SPOCK3: variants seen among roughly 807,000 people sequenced by gnomAD.
SPOCK3 encodes testican-3.
SPOCK3 carries 30 observed loss-of-function variants against 56.6 expected under a neutral mutation model. That is an observed-to-expected ratio of 0.53 (90% CI 0.40 to 0.72). SPOCK3 has a LOEUF of 0.72. SPOCK3 is among the 30% of genes least tolerant of loss of function. The pLI, the probability that SPOCK3 is intolerant of heterozygous loss-of-function variation, is 0.00. For synonymous variants in SPOCK3, 196 were observed against 183.3 expected, an observed-to-expected ratio of 1.07 and a Z score of -0.56; for missense variants, 527 against 530.0, an observed-to-expected ratio of 0.99 and a Z score of 0.06.
intron 6 of SPOCK3, among the ~76,000 whole-genome samples, chr4:166,886,339 A>G (rs1284717137): frequency 1.3e-5 from 2 of 152,170 alleles, no homozygotes; most frequent in Admixed American, 1.3e-4. Flanking sequence ...ACTGCAAAAC[A>G]CTGGCCTGTG....
At chr4:166,962,371 G>A (rs1312880957) in intron 4 of SPOCK3, among the ~76,000 whole-genome samples, 2 of 152,066 alleles carry the variant, frequency 1.3e-5, no homozygotes, top group East Asian at 1.9e-4. Context: ...CACCCTGGGG[G>A]TATTGGGGCC....
intron 3 of SPOCK3, among the ~76,000 whole-genome samples, chr4:167,002,741 A>G (rs1317972137): frequency 6.6e-6 from 1 of 152,168 alleles, no homozygotes; most frequent in Non-Finnish European, 1.5e-5. Context: ...ACTGCACTAC[A>G]AAAGTGTATG....
At chr4:167,097,371 AT>A (rs1045204576) in intron 2 of SPOCK3, among the ~76,000 whole-genome samples, 4 of 148,740 alleles carry the variant, frequency 2.7e-5, no homozygotes, top group East Asian at 2.0e-4. Context: ...TAGTATCTTC[AT>A]TTTTTTTTCT....
At chr4:167,052,500 A>C (rs1417829957) in intron 3 of SPOCK3, among the ~76,000 whole-genome samples, 1 of 152,228 alleles carries the variant, frequency 6.6e-6, no homozygotes, top group Non-Finnish European at 1.5e-5. Flanking sequence ...AATTCATGTG[A>C]ATTAATCAAA....
chr4:167,214,676 GA>G (rs1735196073), intron 2 of SPOCK3, among the ~76,000 whole-genome samples: 1 of 152,026 alleles, frequency 6.6e-6, no homozygotes, highest in Non-Finnish European at 1.5e-5. Context: ...TACACACAGA[GA>G]ATGAATCTTA....
At chr4:166,822,605 T>C (rs1192694516) in intron 6 of SPOCK3, among the ~76,000 whole-genome samples, 4 of 152,080 alleles carry the variant, frequency 2.6e-5, no homozygotes, top group African/African-American at 9.7e-5. Flanking sequence ...ATAACAGTCA[T>C]TTTCAAAGGC....
At chr4:167,212,641 GA>G (rs1242954694) in intron 2 of SPOCK3, among the ~76,000 whole-genome samples, 4 of 152,090 alleles carry the variant, frequency 2.6e-5, no homozygotes, top group Admixed American at 1.3e-4. Context: ...CTATTGCTTT[GA>G]TAATAGCACA....
intron 2 of SPOCK3, among the ~76,000 whole-genome samples, chr4:167,166,534 G>A (rs1309743065): frequency 6.6e-6 from 1 of 152,054 alleles, no homozygotes; most frequent in Admixed American, 6.6e-5. Flanking sequence ...GTGTGCTCTT[G>A]CTGTTAAGAG....
intron 2 of SPOCK3, among the ~76,000 whole-genome samples, chr4:167,214,102 A>T (rs1387386111): frequency 6.6e-6 from 1 of 151,732 alleles, no homozygotes; most frequent in Non-Finnish European, 1.5e-5. Flanking sequence ...AGATGCAAAG[A>T]TGCAACCTTT....
At chr4:167,088,107 G>A (rs977267251) in intron 2 of SPOCK3, among the ~76,000 whole-genome samples, 6 of 151,946 alleles carry the variant, frequency 3.9e-5, no homozygotes, top group African/African-American at 1.5e-4. Context: ...TTTTTCCGCA[G>A]GATGATATAT....
At chr4:167,203,090 C>T (rs35568380) in intron 2 of SPOCK3, among the ~76,000 whole-genome samples, 6,144 of 151,968 alleles carry the variant, frequency 0.04, 168 homozygotes, top group Middle Eastern at 0.074. Context: ...CATGACTTGA[C>T]ACTCCAAAAT....
In SPOCK3 at chr4:167,129,689, A is replaced by T. The variant is rs183362948; in HGVS notation, c.190-67152T>A. On this transcript the variant is annotated intron_variant, in intron 2 of 10. Transcript: ENST00000357545. ...TAGAATCATAAAACATGTAGTCAGCAAATGCACTTAAACCTATGGACTTGA... is the reference window on the plus strand; with the variant it reads ...TAGAATCATAAAACATGTAGTCAGCTAATGCACTTAAACCTATGGACTTGA... 2.6e-4 allele frequency among the ~76,000 whole-genome samples: 40 copies of T among 152,322 alleles called. No individual in the cohort carries two copies. The East Asian group carries it at 3.3e-3, about 12-fold the overall frequency.
At chr4:167,089,773 C>G (rs1758540053) in intron 2 of SPOCK3, among the ~76,000 whole-genome samples, 1 of 152,142 alleles carries the variant, frequency 6.6e-6, no homozygotes, top group African/African-American at 2.4e-5. Flanking sequence ...TGAGAAAGTT[C>G]TTTCATATCC....
At chr4:166,892,707 C>A (rs1734913349) in intron 5 of SPOCK3, among the ~76,000 whole-genome samples, 1 of 152,016 alleles carries the variant, frequency 6.6e-6, no homozygotes, top group Non-Finnish European at 1.5e-5. Flanking sequence ...ATGATTAATG[C>A]TTTCCTGATT....
At chr4:166,923,960 G>C (rs1358800202) in intron 4 of SPOCK3, among the ~76,000 whole-genome samples, 1 of 152,034 alleles carries the variant, frequency 6.6e-6, no homozygotes, top group African/African-American at 2.4e-5. Flanking sequence ...AATGATAATG[G>C]GGTTTCTTTT....
At chr4:167,088,179 A>G (rs1427718766) in intron 2 of SPOCK3, among the ~76,000 whole-genome samples, 4 of 152,176 alleles carry the variant, frequency 2.6e-5, no homozygotes, top group African/African-American at 9.6e-5. Context: ...CTTCTATAAC[A>G]TGGATTTCTG....
At chr4:166,764,872 G>A (rs1579150992) in intron 7 of SPOCK3, among the ~76,000 whole-genome samples, 2 of 151,108 alleles carry the variant, frequency 1.3e-5, no homozygotes, top group South Asian at 4.2e-4. Context: ...ACTTTTTAAT[G>A]ATCACCATTC....
chr4:167,018,385 T>C (rs1750850135), intron 3 of SPOCK3, among the ~76,000 whole-genome samples: 1 of 152,038 alleles, frequency 6.6e-6, no homozygotes, highest in African/African-American at 2.4e-5. Flanking sequence ...CCACCTGGGG[T>C]CCTACTTTAG....
At chr4:166,922,893 T>G (rs1341754161) in intron 4 of SPOCK3, among the ~76,000 whole-genome samples, 1 of 152,200 alleles carries the variant, frequency 6.6e-6, no homozygotes, top group Non-Finnish European at 1.5e-5. Flanking sequence ...GTTTTTCCTT[T>G]CGTTAGATCA....
Sources: gnomAD v4.1 joint callset for allele counts (sites outside exome capture counted in the v4.1 genomes callset) on GRCh38, gnomAD v4.1.1 for gene constraint, MANE v1.5 for transcripts, NCBI Gene and HGNC (gene_info 2026-07-23, HGNC 2026-07-21) for gene names.